Variants in ZCCHC7 observed in about 807,000 individuals in gnomAD.
The protein encoded by ZCCHC7 is zinc finger CCHC domain-containing protein 7.
ZCCHC7 carries 35 observed loss-of-function variants against 52.0 expected under a neutral mutation model. That is an observed-to-expected ratio of 0.67 (90% confidence interval 0.51 to 0.89). ZCCHC7 has a LOEUF of 0.89. ZCCHC7 is among the 40% of genes least tolerant of loss of function. The pLI, the probability that ZCCHC7 is intolerant of heterozygous loss-of-function variation, is 0.00. For missense variants in ZCCHC7, 574 were observed against 649.1 expected, an observed-to-expected ratio of 0.88 and a Z score of 1.26; for synonymous variants, 217 against 221.5, an observed-to-expected ratio of 0.98 and a Z score of 0.18.
intron 5 of ZCCHC7, among the ~76,000 whole-genome samples, chr9:37,324,598 G>A (rs1486335567): frequency 6.6e-6 from 1 of 152,176 alleles, no homozygotes; most frequent in East Asian, 1.9e-4. Context: ...GGAGCCACAG[G>A]CCTGTCCTGG....
Position 37,357,269 on chromosome 9 carries a change from G to A in ZCCHC7, c.*1G>A. ...TAAGCAGAGAAAAAAAAAGTCTTAA[G>A]CCGTCAGGCAGCCTCTGATGTGGCT... On this transcript the variant is annotated 3_prime_UTR_variant, in exon 9 of 9. Coordinates refer to ENST00000336755, the MANE Select transcript of ZCCHC7 (RefSeq NM_032226.3). The A allele has an allele frequency of 6.3e-7, 1 of 1,586,844 alleles. No homozygotes were observed. Among genetic ancestry groups the A allele is most frequent in the Non-Finnish European group, 8.5e-7 (1 of 1,171,382 alleles).
chr9:37,287,732 A>G (rs1828322544), intron 2 of ZCCHC7, among the ~76,000 whole-genome samples: 1 of 152,124 alleles, frequency 6.6e-6, no homozygotes, highest in African/African-American at 2.4e-5. Context: ...CCTAATTACT[A>G]TTATATACTT....
intron 2 of ZCCHC7, among the ~76,000 whole-genome samples, chr9:37,300,608 CACTT>C (rs902886365): frequency 6.6e-6 from 1 of 152,162 alleles, no homozygotes; most frequent in Non-Finnish European, 1.5e-5. Context: ...TATCTCTAGA[CACTT>C]ACTCCTGGTA....
chr9:37,292,486 T>C (rs944296010), intron 2 of ZCCHC7, among the ~76,000 whole-genome samples: 1 of 152,164 alleles, frequency 6.6e-6, no homozygotes, highest in Admixed American at 6.5e-5. Flanking sequence ...ATTCACTACA[T>C]AGTCATTATA....
At chr9:37,179,752 C>G (rs1261991591) in intron 2 of ZCCHC7, among the ~76,000 whole-genome samples, 1 of 152,070 alleles carries the variant, frequency 6.6e-6, no homozygotes, top group Non-Finnish European at 1.5e-5. Context: ...CATTTATTTG[C>G]TGCTCATCAA....
At chr9:37,305,494 T>C (rs1035791592) in intron 4 of ZCCHC7, 50 bp from the exon 5 acceptor site, 1 of 1,600,760 alleles carries the variant, frequency 6.2e-7, no homozygotes, top group African/African-American at 1.3e-5. Flanking sequence ...CAAATACTAA[T>C]CTTCTACCTT....
chr9:37,237,005 A>G (rs1041122085), intron 2 of ZCCHC7, among the ~76,000 whole-genome samples: 1 of 152,140 alleles, frequency 6.6e-6, no homozygotes, highest in Non-Finnish European at 1.5e-5. Context: ...CCTATTTTAC[A>G]GTTATTATTT....
intron 2 of ZCCHC7, among the ~76,000 whole-genome samples, chr9:37,282,815 C>T (rs1034072198): frequency 6.9e-6 from 1 of 144,374 alleles, no homozygotes; most frequent in Admixed American, 7.2e-5. Context: ...CTGGCTCTGG[C>T]TTAAAAAAAA....
chr9:37,348,273 A>T (rs1461782970), intron 6 of ZCCHC7, among the ~76,000 whole-genome samples: 1 of 152,112 alleles, frequency 6.6e-6, no homozygotes, highest in Non-Finnish European at 1.5e-5. Flanking sequence ...ACCCATGTTC[A>T]AAATCTGGAG....
At chr9:37,262,053 A>G (rs1588569905) in intron 2 of ZCCHC7, among the ~76,000 whole-genome samples, 1 of 152,138 alleles carries the variant, frequency 6.6e-6, no homozygotes, top group Non-Finnish European at 1.5e-5. Flanking sequence ...CCATTTTTAT[A>G]CTTTTGATGA....
At chr9:37,298,251 A>G (rs2133676347) in intron 2 of ZCCHC7, among the ~76,000 whole-genome samples, 1 of 152,336 alleles carries the variant, frequency 6.6e-6, no homozygotes, top group Non-Finnish European at 1.5e-5. Context: ...ATGGGGGCAA[A>G]GTGTAAAAAA....
chr9:37,155,170 C>T (rs1820746159), intron 2 of ZCCHC7, among the ~76,000 whole-genome samples: 1 of 152,054 alleles, frequency 6.6e-6, no homozygotes, highest in Admixed American at 6.6e-5. Flanking sequence ...ACCATCCTGG[C>T]TAACACAGTG....
intron 2 of ZCCHC7, among the ~76,000 whole-genome samples, chr9:37,237,206 G>T (rs906838573): frequency 6.6e-6 from 1 of 152,176 alleles, no homozygotes; most frequent in Non-Finnish European, 1.5e-5. Context: ...TGAACTGCCA[G>T]TGCCCCTGCT....
At chr9:37,122,357 A>T (rs1842351967) in intron 1 of ZCCHC7, among the ~76,000 whole-genome samples, 1 of 152,230 alleles carries the variant, frequency 6.6e-6, no homozygotes. Flanking sequence ...AGGTATTTTA[A>T]TTCTTAGATA....
intron 2 of ZCCHC7, among the ~76,000 whole-genome samples, chr9:37,167,363 C>T (rs1323456052): frequency 6.6e-6 from 1 of 151,700 alleles, no homozygotes; most frequent in East Asian, 1.9e-4. Context: ...GGATTATAGG[C>T]ATGAGCCACC....
upstream of ZCCHC7, chr9:37,120,503 G>C: frequency 2.5e-6 from 1 of 399,080 alleles, no homozygotes; most frequent in Non-Finnish European, 4.4e-6. Context: ...GTTGTCCCCG[G>C]AAGTGCCTTC....
At chr9:37,199,288 G>C (rs563800719) in intron 2 of ZCCHC7, among the ~76,000 whole-genome samples, 1 of 149,654 alleles carries the variant, frequency 6.7e-6, no homozygotes, top group Non-Finnish European at 1.5e-5. Flanking sequence ...TGTCATTCTT[G>C]GTTTCTACTG....
intron 5 of ZCCHC7, among the ~76,000 whole-genome samples, chr9:37,325,189 T>G (rs1830193412): frequency 6.6e-6 from 1 of 152,216 alleles, no homozygotes; most frequent in African/African-American, 2.4e-5. Flanking sequence ...GGGCAGAAGT[T>G]GGCAAACAAT....
chr9:37,148,875 C>T (rs1272205336), intron 2 of ZCCHC7, among the ~76,000 whole-genome samples: 3 of 152,056 alleles, frequency 2.0e-5, no homozygotes, highest in Non-Finnish European at 4.4e-5. Context: ...TAAGGCAATT[C>T]AGCAAGGTAG....
Sources: gnomAD v4.1 joint callset for allele counts (sites outside exome capture counted in the v4.1 genomes callset) on GRCh38, gnomAD v4.1.1 for gene constraint, MANE v1.5 for transcripts, NCBI Gene and HGNC (gene_info 2026-07-23, HGNC 2026-07-21) for gene names.